Variants in POC1B observed in about 807,000 individuals in gnomAD.
POC1B encodes POC1 centriolar protein B, also known as POC1 centriolar protein homolog B.
POC1B carries 44 observed loss-of-function variants against 60.6 expected under a neutral mutation model. That is an observed-to-expected ratio of 0.73 (90% CI 0.57 to 0.93). The LOEUF is 0.93. POC1B is among the 40% of genes least tolerant of loss of function. POC1B has a pLI of 0.00. For synonymous variants in POC1B, 180 were observed against 198.9 expected (o/e 0.90, Z 0.80); for missense variants, 555 against 572.3 (o/e 0.97, Z 0.31).
In POC1B at chr12:89,421,254, C is replaced by G. The variant is rs1880521262; in HGVS notation, c.1336G>C (p.Val446Leu). The G allele has an allele frequency of 1.9e-6, 3 of 1,590,416 alleles. No individual in the cohort carries two copies. Among genetic ancestry groups the G allele is most frequent in the Non-Finnish European group, 1.7e-6 (2 of 1,162,710 alleles). ...GTCAGTCGCTGCTCCAAGATTGAAA[C>G]AGTCTGCAAAAAGGAGGATAAAATA... ...MEQLNVLTQTVSILEQRLTLT... is the reference protein window; with the variant it reads ...MEQLNVLTQTLSILEQRLTLT... Residue 446 changes from valine to leucine, a missense_variant, in exon 12 of 12, where the codon GTT (valine) becomes CTT (leucine). By Grantham distance (32) the Val-to-Leu change is conservative. Coordinates refer to ENST00000313546, the MANE Select transcript of POC1B (RefSeq NM_172240.3).
intron 9 of POC1B, among the ~76,000 whole-genome samples, chr12:89,464,483 G>GTTTTTTTTTTTT (rs766668019): frequency 3.2e-5 from 3 of 94,720 alleles, no homozygotes; most frequent in Non-Finnish European, 5.7e-5. Flanking sequence ...TTTTATAAGA[G>GTTTTTTTTTTTT]TTTTTTTTTT....
chr12:89,402,028 A>T, the POC1B span, among the ~76,000 whole-genome samples: 33 of 152,176 alleles, frequency 2.2e-4, no homozygotes, highest in African/African-American at 7.7e-4. Context: ...CACCCCAAGG[A>T]GATGAGAGAT....
intron 9 of POC1B, among the ~76,000 whole-genome samples, chr12:89,460,280 C>T (rs1232139440): frequency 6.6e-6 from 1 of 151,798 alleles, no homozygotes; most frequent in East Asian, 1.9e-4. Context: ...TTTAAAAATA[C>T]ATCAGAATAA....
At chr12:89,516,255 C>T (rs1870435952) in intron 2 of POC1B, among the ~76,000 whole-genome samples, 1 of 152,164 alleles carries the variant, frequency 6.6e-6, no homozygotes, top group Non-Finnish European at 1.5e-5. Context: ...GGTTATTTTG[C>T]TATCTCCTCT....
intron 2 of POC1B, chr12:89,499,979 T>G (rs970948841): frequency 2.7e-6 from 2 of 738,486 alleles, no homozygotes; most frequent in African/African-American, 1.8e-5. Flanking sequence ...CTTAAGGGTG[T>G]TGCTTGGCCG....
intron 2 of POC1B, among the ~76,000 whole-genome samples, chr12:89,509,398 G>A (rs1393997822): frequency 6.6e-6 from 1 of 152,096 alleles, no homozygotes; most frequent in Non-Finnish European, 1.5e-5. Flanking sequence ...GTTCTAAGAT[G>A]TACTTCTCCC....
chr12:89,445,695 G>A (rs1398432124), intron 10 of POC1B, among the ~76,000 whole-genome samples: 3 of 151,672 alleles, frequency 2.0e-5, no homozygotes, highest in Non-Finnish European at 4.4e-5. Context: ...ACATAGGCAT[G>A]GGCAAGGACT....
At chr12:89,500,958 G>T (rs1869534220) in intron 2 of POC1B, 3 of 892,484 alleles carry the variant, frequency 3.4e-6, no homozygotes. Flanking sequence ...TGGAGGAATT[G>T]TTCCACCTCA....
chr12:89,453,268 CTT>C (rs1882126229), intron 10 of POC1B, among the ~76,000 whole-genome samples: 1 of 152,146 alleles, frequency 6.6e-6, no homozygotes, highest in Non-Finnish European at 1.5e-5. Flanking sequence ...CATTTAACTT[CTT>C]GAGTTACCGA....
At chr12:89,517,261 G>C (rs1248156827) in intron 2 of POC1B, among the ~76,000 whole-genome samples, 4 of 152,118 alleles carry the variant, frequency 2.6e-5, no homozygotes, top group Non-Finnish European at 4.4e-5. Flanking sequence ...CTGGTCTTCA[G>C]TTAAATCTAA....
intron 2 of POC1B, among the ~76,000 whole-genome samples, chr12:89,510,732 T>C (rs949163017): frequency 6.6e-6 from 1 of 151,888 alleles, no homozygotes; most frequent in East Asian, 1.9e-4. Flanking sequence ...CAAATTAGTT[T>C]CGTCACTGGA....
At chr12:89,417,728 G>A (rs1880386415), downstream of POC1B, among the ~76,000 whole-genome samples, 2 of 152,196 alleles carry the variant, frequency 1.3e-5, no homozygotes, top group South Asian at 4.1e-4. Context: ...TACTCACTAA[G>A]AAGGAAGTGA....
intron 2 of POC1B, among the ~76,000 whole-genome samples, chr12:89,517,507 C>A (rs888562566): frequency 1.3e-5 from 2 of 152,064 alleles, no homozygotes; most frequent in African/African-American, 4.8e-5. Flanking sequence ...ATGGCATGCA[C>A]CTATAGTCCC....
chr12:89,424,779 C>A (rs1367680153), intron 11 of POC1B, among the ~76,000 whole-genome samples: 1 of 152,172 alleles, frequency 6.6e-6, no homozygotes, highest in Non-Finnish European at 1.5e-5. Context: ...AAGATCACTG[C>A]ATCAAGGTAA....
intron 4 of POC1B, among the ~76,000 whole-genome samples, chr12:89,475,639 C>G (rs899053326): frequency 6.6e-6 from 1 of 152,110 alleles, no homozygotes; most frequent in Non-Finnish European, 1.5e-5. Flanking sequence ...GCTCAAATAA[C>G]ATCTAACTAG....
intron 2 of POC1B, among the ~76,000 whole-genome samples, chr12:89,516,217 C>T (rs1410933088): frequency 6.6e-6 from 1 of 152,170 alleles, no homozygotes; most frequent in Non-Finnish European, 1.5e-5. Context: ...ACGGCTTTCC[C>T]TCCTATCTTT....
chr12:89,409,857 G>C, the POC1B span, among the ~76,000 whole-genome samples: 5 of 152,192 alleles, frequency 3.3e-5, no homozygotes, highest in Admixed American at 3.3e-4. Context: ...CAGATTCACA[G>C]CTGAATTCCA....
chr12:89,503,119 ACGGTCTCCCTC>A (rs1869671270), intron 2 of POC1B, among the ~76,000 whole-genome samples: 1 of 112,366 alleles, frequency 8.9e-6, no homozygotes, highest in Non-Finnish European at 2.0e-5. Flanking sequence ...CTCTCTCCCC[ACGGTCTCCCTC>A]TCCCTCTCTT....
intron 2 of POC1B, chr12:89,519,970 T>C (rs1021102312): frequency 6.6e-6 from 1 of 152,228 alleles, no homozygotes; most frequent in South Asian, 2.1e-4. Flanking sequence ...CTCTTAATTG[T>C]CTATAGCCAA....
Sources: gnomAD v4.1 joint callset for allele counts (sites outside exome capture counted in the v4.1 genomes callset) on GRCh38, gnomAD v4.1.1 for gene constraint, MANE v1.5 for transcripts, NCBI Gene and HGNC (gene_info 2026-07-23, HGNC 2026-07-21) for gene names.